Variants in TRHDE observed in about 807,000 individuals in gnomAD.
The protein encoded by TRHDE is thyrotropin releasing hormone degrading enzyme.
Under a neutral mutation model 125.7 loss-of-function variants are expected in TRHDE, and 72 were observed. The ratio of observed to expected loss-of-function variants is 0.57; its 90% CI spans 0.47 to 0.70. The LOEUF is 0.70. Ranked by LOEUF, TRHDE falls within the 30% of genes least tolerant of loss-of-function variation. The probability of loss-of-function intolerance (pLI) is 0.00; values close to 1 mark genes in which losing one functional copy is unlikely to be tolerated. For synonymous variants in TRHDE, 509 were observed against 509.1 expected (o/e 1.00, Z 0.00); for missense variants, 1,110 against 1,327.1 (o/e 0.84, Z 2.54).
At chr12:72,595,923 CTGAGA>C (rs1871920101) in intron 12 of TRHDE, among the ~76,000 whole-genome samples, 1 of 152,162 alleles carries the variant, frequency 6.6e-6, no homozygotes, top group Non-Finnish European at 1.5e-5. Context: ...TTATATTGAG[CTGAGA>C]TTTCAGGGCT....
chr12:72,359,951 TATAG>T (rs1392679527), intron 2 of TRHDE, among the ~76,000 whole-genome samples: 16 of 151,718 alleles, frequency 1.1e-4, no homozygotes, highest in African/African-American at 3.9e-4. Context: ...AAGAGGCCAG[TATAG>T]ATGAGAACTT....
intron 2 of TRHDE, among the ~76,000 whole-genome samples, chr12:72,295,289 G>A (rs1395660626): frequency 1.3e-5 from 2 of 152,110 alleles, no homozygotes; most frequent in East Asian, 1.9e-4. Flanking sequence ...GCTCCTGCTT[G>A]TCCCTGGCTC....
At chr12:72,105,262 C>T (rs1341118790) in intron 1 of TRHDE, among the ~76,000 whole-genome samples, 4 of 152,118 alleles carry the variant, frequency 2.6e-5, no homozygotes, top group Non-Finnish European at 5.9e-5. Context: ...TGGGGCATGG[C>T]TCAAGTGGTT....
intron 3 of TRHDE, among the ~76,000 whole-genome samples, chr12:72,416,201 G>A (rs1281984529): frequency 6.6e-6 from 1 of 151,938 alleles, no homozygotes; most frequent in Non-Finnish European, 1.5e-5. Flanking sequence ...CTTCTTTTGA[G>A]AAATGTCTAT....
chr12:72,381,387 A>G (rs1438324930), intron 3 of TRHDE, among the ~76,000 whole-genome samples: 2 of 151,608 alleles, frequency 1.3e-5, no homozygotes, highest in African/African-American at 2.4e-5. Flanking sequence ...TTGAAAGTAG[A>G]TACGAAAGTT....
chr12:72,293,590 G>A (rs1880172357), intron 2 of TRHDE, among the ~76,000 whole-genome samples: 2 of 152,288 alleles, frequency 1.3e-5, no homozygotes, highest in South Asian at 4.1e-4. Flanking sequence ...CTAATGTGAA[G>A]AGCCCAAGAA....
chr12:72,453,565 C>A (rs1875686753), intron 3 of TRHDE, among the ~76,000 whole-genome samples: 1 of 152,124 alleles, frequency 6.6e-6, no homozygotes, highest in South Asian at 2.1e-4. Context: ...GGCTGAGCAA[C>A]CACTTACTAG....
At chr12:72,467,835 A>C (rs1422143871) in intron 3 of TRHDE, among the ~76,000 whole-genome samples, 1 of 152,150 alleles carries the variant, frequency 6.6e-6, no homozygotes, top group Non-Finnish European at 1.5e-5. Flanking sequence ...AAACAACAAC[A>C]AATACCCACA....
At chr12:72,119,466 T>A (rs1178145371) in intron 2 of TRHDE, among the ~76,000 whole-genome samples, 1 of 152,230 alleles carries the variant, frequency 6.6e-6, no homozygotes, top group East Asian at 1.9e-4. Context: ...ATATGGTCTA[T>A]CTTTGAGAAT....
chr12:72,637,368 A>T (rs1471600092), intron 15 of TRHDE, among the ~76,000 whole-genome samples: 2 of 151,844 alleles, frequency 1.3e-5, no homozygotes, highest in African/African-American at 2.4e-5. Context: ...ATCATCTTTT[A>T]TTGCATCTAT....
rs1276615997 is a variant in TRHDE at position 72,285,644 on chromosome 12, C to T, written c.915-1037C>T. On this transcript the variant is annotated intron_variant, in intron 1 of 18. Coordinates refer to ENST00000261180, the MANE Select transcript of TRHDE (RefSeq NM_013381.3). ...CAAGTGATTCTCCTGCCTCAGCCTT[C>T]CGAATAACTGGGACTACAGGCATGC... Among the ~76,000 whole-genome samples, 3 of 151,158 alleles carry T rather than the reference C, an allele frequency of 2.0e-5. No homozygotes were observed. In the East Asian group the frequency reaches 5.9e-4, roughly 30 times the overall value.
intron 2 of TRHDE, among the ~76,000 whole-genome samples, chr12:72,162,695 G>C (rs927954195): frequency 6.6e-6 from 1 of 152,180 alleles, no homozygotes; most frequent in Non-Finnish European, 1.5e-5. Flanking sequence ...GAGTGATAAA[G>C]TAATTAGCAG....
rs1415967307 is a variant in TRHDE at position 72,331,415 on chromosome 12, AGT to A, written c.1188+44462_1188+44463del. 3.4e-4 allele frequency among the ~76,000 whole-genome samples: 41 copies of A among 121,234 alleles called. 11 individuals are homozygous for A. Among genetic ancestry groups the A allele is most frequent in the Non-Finnish European group, 3.7e-4 (19 of 50,722 alleles). The allele number at this position is 121,234 out of a possible 152,430, so 79.5% of individuals were successfully genotyped here. A position where few individuals can be genotyped will look rare whatever the true frequency, so the allele number is the denominator to read the frequency against. ...CTCTTTACTTACTTAGCAACAAGAA[AGT>A]TAACTCTCTCAGTTAATTGTATCTT... On this transcript the variant is annotated intron_variant, in intron 2 of 18. Transcript: ENST00000261180.
At chr12:72,119,063 T>G (rs1875516103) in intron 2 of TRHDE, among the ~76,000 whole-genome samples, 1 of 152,140 alleles carries the variant, frequency 6.6e-6, no homozygotes, top group South Asian at 2.1e-4. Flanking sequence ...TGATCTTTAT[T>G]TATTTTTTCT....
chr12:72,651,531 T>TA (rs34906134), intron 15 of TRHDE, among the ~76,000 whole-genome samples: 1 of 151,606 alleles, frequency 6.6e-6, no homozygotes, highest in Non-Finnish European at 1.5e-5. Context: ...TTTGAAACTT[T>TA]AAAAAAAAGT....
intron 2 of TRHDE, chr12:72,264,167 C>T (rs1451046212): frequency 1.3e-5 from 2 of 151,988 alleles, no homozygotes; most frequent in African/African-American, 2.4e-5. Flanking sequence ...TGTTTGGGAA[C>T]CTATAACACA....
chr12:72,224,525 G>C (rs1398799421), intron 2 of TRHDE, among the ~76,000 whole-genome samples: 1 of 152,060 alleles, frequency 6.6e-6, no homozygotes, highest in Admixed American at 6.6e-5. Flanking sequence ...GGTTGTGAGA[G>C]CATCAGGTCA....
intron 2 of TRHDE, among the ~76,000 whole-genome samples, chr12:72,305,253 C>T (rs1868322717): frequency 6.6e-6 from 1 of 152,110 alleles, no homozygotes; most frequent in African/African-American, 2.4e-5. Context: ...CTGACATGCT[C>T]AGTAGGAAAT....
At chr12:72,636,641 T>A (rs1873767288) in intron 15 of TRHDE, among the ~76,000 whole-genome samples, 1 of 152,228 alleles carries the variant, frequency 6.6e-6, no homozygotes. Context: ...GCTATGGGTC[T>A]GTCATAGATA....
Sources: allele counts gnomAD v4.1 joint callset (sites outside exome capture counted in the v4.1 genomes callset), GRCh38; gene constraint gnomAD v4.1.1; transcripts MANE v1.5; gene names NCBI Gene and HGNC (gene_info 2026-07-23, HGNC 2026-07-21).